The following PAM variants were observed in gnomAD, a reference collection of about 807,000 sequenced individuals.
The protein encoded by PAM is peptidyl-glycine alpha-amidating monooxygenase.
Under a neutral mutation model 122.1 loss-of-function variants are expected in PAM, and 72 were observed. The observed-to-expected ratio is 0.59, with a 90% confidence interval of 0.49 to 0.72. The LOEUF is 0.72. Ranked by LOEUF, PAM falls within the 30% of genes least tolerant of loss-of-function variation. The pLI, the probability that PAM is intolerant of heterozygous loss-of-function variation, is 0.00. For missense variants in PAM, 1,106 were observed against 1,183.7 expected (o/e 0.93, Z 0.96); for synonymous variants, 389 against 404.4 (o/e 0.96, Z 0.46).
At chr5:102,818,224 G>A (rs1166868588) in intron 1 of PAM, among the ~76,000 whole-genome samples, 2 of 151,514 alleles carry the variant, frequency 1.3e-5, no homozygotes, top group Non-Finnish European at 2.9e-5. Flanking sequence ...TTGCAGAAGG[G>A]CAGGAGGCTT....
chr5:102,872,333 G>A (rs1396717720), intron 3 of PAM, among the ~76,000 whole-genome samples: 2 of 152,102 alleles, frequency 1.3e-5, no homozygotes, highest in African/African-American at 2.4e-5. Flanking sequence ...AGAATCTTAA[G>A]TTATTACTTA....
chr5:102,940,838 C>A (rs928664668), intron 7 of PAM, among the ~76,000 whole-genome samples: 2 of 152,078 alleles, frequency 1.3e-5, no homozygotes, highest in Non-Finnish European at 2.9e-5. Context: ...GTGCTGGTTA[C>A]ATGGGTGTTA....
intron 3 of PAM, among the ~76,000 whole-genome samples, chr5:102,896,796 T>C (rs902523487): frequency 6.6e-6 from 1 of 151,750 alleles, no homozygotes; most frequent in African/African-American, 2.4e-5. Context: ...TAAGGAATTT[T>C]ATCTGTTATT....
At chr5:102,887,006 T>A (rs1049185437) in intron 3 of PAM, among the ~76,000 whole-genome samples, 1 of 152,058 alleles carries the variant, frequency 6.6e-6, no homozygotes, top group African/African-American at 2.4e-5. Flanking sequence ...TCTATCTTGT[T>A]AGGACTATAT....
intron 1 of PAM, among the ~76,000 whole-genome samples, chr5:102,782,913 T>G (rs1759446756): frequency 6.6e-6 from 1 of 152,068 alleles, no homozygotes. Flanking sequence ...TTGGTGTATC[T>G]GAGATGCTAA....
intron 12 of PAM, among the ~76,000 whole-genome samples, chr5:102,956,406 C>T (rs1325365745): frequency 6.6e-6 from 1 of 152,034 alleles, no homozygotes; most frequent in Non-Finnish European, 1.5e-5. Flanking sequence ...AGGAAATAAC[C>T]TGCGACCTTA....
chr5:102,981,462 G>A (rs1009073461), intron 15 of PAM, among the ~76,000 whole-genome samples: 2 of 152,224 alleles, frequency 1.3e-5, no homozygotes, highest in Admixed American at 1.3e-4. Flanking sequence ...TGCTATGGGT[G>A]AAAAGGTAGT....
chr5:102,755,714 C>T (rs2149605537), intron 1 of PAM, among the ~76,000 whole-genome samples: 1 of 152,106 alleles, frequency 6.6e-6, no homozygotes, highest in Non-Finnish European at 1.5e-5. Context: ...TTTGTTCATT[C>T]GCCTTTTCTG....
At chr5:102,987,769 A>G (rs1020234616) in intron 15 of PAM, among the ~76,000 whole-genome samples, 19 of 152,294 alleles carry the variant, frequency 1.2e-4, no homozygotes, top group Admixed American at 2.0e-4. Flanking sequence ...GATACTGTTC[A>G]TCTGAGCAGC....
intron 1 of PAM, among the ~76,000 whole-genome samples, chr5:102,783,596 T>A (rs1301238723): frequency 6.6e-6 from 1 of 152,096 alleles, no homozygotes; most frequent in Non-Finnish European, 1.5e-5. Flanking sequence ...CCAAATTCAG[T>A]CTCAGTACAA....
intron 1 of PAM, chr5:102,838,688 G>A (rs1777735270): frequency 6.6e-6 from 1 of 152,194 alleles, no homozygotes; most frequent in African/African-American, 2.4e-5. Flanking sequence ...TTCTGTTCAT[G>A]AGCAGTAAAT....
intron 4 of PAM, among the ~76,000 whole-genome samples, chr5:102,907,634 T>C (rs966532819): frequency 8.0e-5 from 12 of 150,610 alleles, no homozygotes; most frequent in Non-Finnish European, 1.5e-4. Context: ...CCAGCACCTG[T>C]TGTTTCCTGA....
At chr5:102,906,401 C>G (rs989709428) in intron 4 of PAM, among the ~76,000 whole-genome samples, 1 of 151,618 alleles carries the variant, frequency 6.6e-6, no homozygotes, top group Non-Finnish European at 1.5e-5. Flanking sequence ...AAAATTTCAT[C>G]TGGACCTCTG....
chr5:102,873,102 C>A (rs181362368), intron 3 of PAM, among the ~76,000 whole-genome samples: 1 of 151,928 alleles, frequency 6.6e-6, no homozygotes, highest in Non-Finnish European at 1.5e-5. Context: ...GCAAGGACTC[C>A]AGAAAAAAAT....
At chr5:102,885,095 A>AT (rs1561760586) in intron 3 of PAM, among the ~76,000 whole-genome samples, 31 of 136,070 alleles carry the variant, frequency 2.3e-4, no homozygotes, top group African/African-American at 1.0e-3. Context: ...ATATATATAT[A>AT]ACTATAAAAG....
At position 102,839,664 on chromosome 5, in the gene PAM, C is replaced by A. The variant is rs75581835; in HGVS notation, c.-373-26159C>A. Reference sequence around the variant, plus strand: ...ATAGAGGCTTGGGTGAAAACTAAATCGAGCTATGTATTTAAAACATGTATC... The same window carrying A: ...ATAGAGGCTTGGGTGAAAACTAAATAGAGCTATGTATTTAAAACATGTATC... On this transcript the variant is annotated intron_variant, in intron 1 of 25. Transcript: ENST00000438793. 2.4e-3 allele frequency among the ~76,000 whole-genome samples: 362 copies of A among 152,054 alleles called. 3 individuals carry two copies. The highest frequency in any genetic ancestry group is 8.5e-3 in the African/African-American group (354 of 41,468).
chr5:102,988,896 G>T (rs2150755905), intron 15 of PAM, among the ~76,000 whole-genome samples: 1 of 152,282 alleles, frequency 6.6e-6, no homozygotes, highest in South Asian at 2.1e-4. Context: ...TGAAGTGCTT[G>T]TTCTCACACA....
intron 1 of PAM, among the ~76,000 whole-genome samples, chr5:102,782,353 T>C (rs1759197897): frequency 6.6e-6 from 1 of 152,198 alleles, no homozygotes; most frequent in African/African-American, 2.4e-5. Context: ...TCATCTTCCT[T>C]GTTTGTTTCA....
chr5:102,762,689 T>A (rs2545603), intron 1 of PAM, among the ~76,000 whole-genome samples: 2 of 152,158 alleles, frequency 1.3e-5, no homozygotes, highest in Non-Finnish European at 2.9e-5. Flanking sequence ...TAAAAAAAAA[T>A]TAGGCCTTGT....
Sources: allele counts gnomAD v4.1 joint callset (sites outside exome capture counted in the v4.1 genomes callset), GRCh38; gene constraint gnomAD v4.1.1; transcripts MANE v1.5; gene names NCBI Gene and HGNC (gene_info 2026-07-23, HGNC 2026-07-21).